Variants in NKIRAS1 observed in about 807,000 individuals in gnomAD.
NKIRAS1 encodes NFKB inhibitor interacting Ras like 1, also known as NF-kappa-B inhibitor-interacting Ras-like protein 1.
NKIRAS1 carries 16 observed loss-of-function variants against 19.8 expected under a neutral mutation model. The observed-to-expected ratio is 0.81, with a 90% CI of 0.55 to 1.23. The LOEUF (loss-of-function observed/expected upper bound fraction) is 1.23. Among genes scored for constraint, NKIRAS1 ranks in the 50% most tolerant of loss-of-function variants. NKIRAS1 has a pLI of 0.00. For synonymous variants in NKIRAS1, 88 were observed against 79.0 expected, an observed-to-expected ratio of 1.11 and a Z score of -0.61; for missense variants, 184 against 220.0, an observed-to-expected ratio of 0.84 and a Z score of 1.04.
chr3:23,914,476 A>T (rs1206862722), intron 1 of NKIRAS1, among the ~76,000 whole-genome samples: 1 of 152,230 alleles, frequency 6.6e-6, no homozygotes, highest in Non-Finnish European at 1.5e-5. Flanking sequence ...TATAGTGTGG[A>T]ATACTTTCAC....
intron 1 of NKIRAS1, among the ~76,000 whole-genome samples, chr3:23,925,062 G>A (rs1705187885): frequency 6.6e-6 from 1 of 152,180 alleles, no homozygotes; most frequent in African/African-American, 2.4e-5. Flanking sequence ...CTTCTGCTCA[G>A]GTTGTCCCAT....
At chr3:23,937,830 GT>G (rs1251586958) in intron 1 of NKIRAS1, among the ~76,000 whole-genome samples, 1 of 152,040 alleles carries the variant, frequency 6.6e-6, no homozygotes, top group African/African-American at 2.4e-5. Flanking sequence ...GATGGTTTCT[GT>G]TGTTGATTGT....
intron 1 of NKIRAS1, among the ~76,000 whole-genome samples, chr3:23,939,773 A>G (rs1705459767): frequency 6.6e-6 from 1 of 152,154 alleles, no homozygotes. Context: ...ACAAAAAACA[A>G]AAAAGGGAAA....
intron 3 of NKIRAS1, among the ~76,000 whole-genome samples, chr3:23,902,813 T>C (rs1032422511): frequency 7.9e-5 from 12 of 152,172 alleles, no homozygotes; most frequent in African/African-American, 2.9e-4. Flanking sequence ...CTGTCTAGAC[T>C]GTGGGATAAA....
At chr3:23,919,525 A>G, upstream of NKIRAS1, 2 of 1,526,916 alleles carry the variant, frequency 1.3e-6, no homozygotes, top group African/African-American at 2.8e-5. Context: ...TGTAAAATTC[A>G]TACTTAATAA....
At chr3:23,919,522 T>C, upstream of NKIRAS1, 3 of 1,535,714 alleles carry the variant, frequency 2.0e-6, no homozygotes, top group Non-Finnish European at 2.6e-6. Context: ...GTTTGTAAAA[T>C]TCATACTTAA....
chr3:23,911,681 G>T (rs931112716), intron 1 of NKIRAS1, among the ~76,000 whole-genome samples: 7 of 151,608 alleles, frequency 4.6e-5, no homozygotes, highest in African/African-American at 1.7e-4. Context: ...TTAGAAAATG[G>T]ACATGATTTT....
At chr3:23,938,651 T>G (rs919074972) in intron 1 of NKIRAS1, among the ~76,000 whole-genome samples, 1 of 152,252 alleles carries the variant, frequency 6.6e-6, no homozygotes, top group African/African-American at 2.4e-5. Context: ...AGATATGACC[T>G]TGATGCTCCT....
chr3:23,893,121 T>C lies in NKIRAS1; in HGVS notation c.553A>G (p.Lys185Glu). The change falls in exon 5 of 5, where the codon AAA (lysine) becomes GAA (glutamate). Residue 185 changes from lysine to glutamate, a missense_variant. Physicochemically the swap from Lys to Glu is moderately conservative, Grantham distance 56. Transcript: ENST00000425478. Reference protein sequence around the residue: ...SSFPLPGRKNKGNSNSEN With the variant: ...SSFPLPGRKNEGNSNSEN ...TAGTTCTCAGAATTAGAGTTCCCTTTGTTTTTCCTCCCAGGCAAAGGAAAG... is the reference window on the plus strand; with the variant it reads ...TAGTTCTCAGAATTAGAGTTCCCTTCGTTTTTCCTCCCAGGCAAAGGAAAG... 1 of 1,577,400 alleles carries C rather than the reference T, an allele frequency of 6.3e-7. No individual in the cohort carries two copies. Among genetic ancestry groups the C allele is most frequent in the Non-Finnish European group, 8.6e-7 (1 of 1,165,038 alleles).
upstream of NKIRAS1, chr3:23,921,757 T>C (rs1463599142): frequency 1.7e-6 from 1 of 604,906 alleles, no homozygotes; most frequent in Non-Finnish European, 2.9e-6. Context: ...GTATTTTTAG[T>C]AGAGACTGGG....
upstream of NKIRAS1, chr3:23,919,406 C>A: frequency 6.2e-7 from 1 of 1,603,748 alleles, no homozygotes; most frequent in Non-Finnish European, 8.5e-7. Flanking sequence ...GAGCCGTGGC[C>A]TTGGAAAGGG....
At position 23,927,376 on chromosome 3, in the gene NKIRAS1, GA is replaced by G. The variant is rs959633868; in HGVS notation, c.-139-15927del. Among the ~76,000 whole-genome samples, 1 of 150,614 alleles carries G rather than the reference GA, an allele frequency of 6.6e-6. No homozygotes were observed. The highest frequency in any genetic ancestry group is 2.4e-5 in the African/African-American group (1 of 40,998). On this transcript the variant is annotated intron_variant, in intron 1 of 4. Coordinates refer to the NKIRAS1 transcript ENST00000421515. The surrounding 1 kb of genome is among the most constrained non-coding windows in gnomAD (Gnocchi z 4.0). ...TCTCTATATTTCTTAGTTGAGGAAAGAAAAAAAAACCTACTGCGAAGGTGCT... is the reference window on the plus strand; with the variant it reads ...TCTCTATATTTCTTAGTTGAGGAAAGAAAAAAAACCTACTGCGAAGGTGCT...
Position 23,890,573 on chromosome 3 carries a change from G to A in NKIRAS1, c.*2522C>T. Reference sequence around the variant, plus strand: ...CCAACAGAGCAGAACATGACAGAATGGCCAGACAGTGGACCAAGAGATACG... The same window carrying A: ...CCAACAGAGCAGAACATGACAGAATAGCCAGACAGTGGACCAAGAGATACG... On this transcript the variant is annotated 3_prime_UTR_variant, in exon 5 of 5. Coordinates refer to ENST00000425478, the MANE Select transcript of NKIRAS1 (RefSeq NM_020345.4). 6.2e-7 allele frequency: 1 copy of A among 1,613,656 alleles called. No individual in the cohort carries two copies. The highest frequency in any genetic ancestry group is 8.5e-7 in the Non-Finnish European group (1 of 1,179,828).
In NKIRAS1 at chr3:23,890,826, A is replaced by G. The variant is rs1292865538; in HGVS notation, c.*2269T>C. The G allele has an allele frequency of 9.6e-6, 4 of 417,304 alleles. No individual in the cohort carries two copies. Among genetic ancestry groups the G allele is most frequent in the Admixed American group, 4.2e-5 (1 of 23,710 alleles). The allele number at this position is 417,304 out of a possible 1,614,324, so 25.9% of individuals were successfully genotyped here. On this transcript the variant is annotated 3_prime_UTR_variant, in exon 5 of 5. Transcript: ENST00000425478. ...TTTTAAAATTGTCATTAGTTCTGCAATATTAGCTGAAATGTAGTACAGAAA... is the reference window on the plus strand; with the variant it reads ...TTTTAAAATTGTCATTAGTTCTGCAGTATTAGCTGAAATGTAGTACAGAAA...
At position 23,906,889 on chromosome 3, in the gene NKIRAS1, T is replaced by TTTTTG. The variant is rs574076153; in HGVS notation, c.94+3917_94+3921dup. On this transcript the variant is annotated intron_variant, in intron 3 of 4. Coordinates refer to ENST00000425478, the MANE Select transcript of NKIRAS1 (RefSeq NM_020345.4). Reference sequence around the variant, plus strand: ...AATAACCTTTATTTTTTAAAGCAGGTTTTTGTTTTGTTTTGTTTTGTTTTG... The same window carrying TTTTTG: ...AATAACCTTTATTTTTTAAAGCAGGTTTTTGTTTTGTTTTGTTTTGTTTTGTTTTG... Among the ~76,000 whole-genome samples, 956 of 151,946 alleles carry TTTTTG rather than the reference T, an allele frequency of 6.3e-3. 10 individuals carry two copies. Among genetic ancestry groups the TTTTTG allele is most frequent in the African/African-American group, 0.021 (858 of 41,414 alleles).
intron 1 of NKIRAS1, among the ~76,000 whole-genome samples, chr3:23,944,867 G>C (rs1277239305): frequency 6.6e-6 from 1 of 151,906 alleles, no homozygotes; most frequent in East Asian, 1.9e-4. Context: ...CAAGGGTTGA[G>C]CAAGCCCGAA....
chr3:23,932,688 CAAAA>C (rs5847261), intron 1 of NKIRAS1, among the ~76,000 whole-genome samples: 2 of 72,918 alleles, frequency 2.7e-5, no homozygotes, highest in Non-Finnish European at 2.9e-5. Context: ...AATTCCGTCT[CAAAA>C]AAAAAAAAAA....
At chr3:23,912,751 A>T (rs1037530951) in intron 1 of NKIRAS1, among the ~76,000 whole-genome samples, 48 of 152,296 alleles carry the variant, frequency 3.2e-4, no homozygotes, top group Middle Eastern at 3.4e-3. Flanking sequence ...CGTATGTTTA[A>T]TGGGGCACTA....
At chr3:23,914,496 T>C (rs1704101834) in intron 1 of NKIRAS1, among the ~76,000 whole-genome samples, 1 of 152,252 alleles carries the variant, frequency 6.6e-6, no homozygotes, top group South Asian at 2.1e-4. Context: ...CTTATCCATA[T>C]ATGAATATAT....
Sources: allele counts gnomAD v4.1 joint callset (sites outside exome capture counted in the v4.1 genomes callset), GRCh38; gene constraint gnomAD v4.1.1; non-coding constraint Gnocchi (gnomAD v3.1); transcripts MANE v1.5; gene names NCBI Gene and HGNC (gene_info 2026-07-23, HGNC 2026-07-21).